The following SMKR1 variants were observed in gnomAD, a reference collection of about 807,000 sequenced individuals.
SMKR1 encodes the protein small lysine rich protein 1, also known as small lysine-rich protein 1.
A neutral mutation model predicts 4.0 loss-of-function variants in SMKR1; 4 were observed. That is an observed-to-expected ratio of 1.00 (90% CI 0.49 to 2.30). SMKR1 has a LOEUF of 2.30. Among genes scored for constraint, SMKR1 ranks in the 30% most tolerant of loss-of-function variants. The pLI is 0.02. For synonymous variants in SMKR1, 38 were observed against 32.5 expected, an observed-to-expected ratio of 1.17 and a Z score of -0.58; for missense variants, 56 against 81.8, an observed-to-expected ratio of 0.68 and a Z score of 1.22.
At chr7:129,511,455 G>A (rs1039344158) in intron 1 of SMKR1, among the ~76,000 whole-genome samples, 3 of 152,130 alleles carry the variant, frequency 2.0e-5, no homozygotes, top group African/African-American at 7.2e-5. Flanking sequence ...CTTCAGAAAC[G>A]TGTGGACTTC....
intron 1 of SMKR1, among the ~76,000 whole-genome samples, chr7:129,509,493 G>A (rs1225744717): frequency 1.3e-5 from 2 of 151,994 alleles, no homozygotes; most frequent in Non-Finnish European, 2.9e-5. Context: ...CTTCATTCCC[G>A]GGTTTTGTAT....
intron 1 of SMKR1, among the ~76,000 whole-genome samples, chr7:129,506,573 C>T (rs1445103474): frequency 6.6e-6 from 1 of 152,152 alleles, no homozygotes; most frequent in Non-Finnish European, 1.5e-5. Flanking sequence ...TTCTCTCTTG[C>T]CCCTCTCTGT....
intron 1 of SMKR1, among the ~76,000 whole-genome samples, chr7:129,507,688 T>C (rs1325646780): frequency 2.0e-5 from 3 of 152,240 alleles, no homozygotes; most frequent in East Asian, 1.9e-4. Flanking sequence ...TAATACTTGG[T>C]AGGATCAGTC....
chr7:129,507,090 A>G (rs1377822906), intron 1 of SMKR1, among the ~76,000 whole-genome samples: 1 of 150,810 alleles, frequency 6.6e-6, no homozygotes, highest in African/African-American at 2.4e-5. Context: ...ATCTGCGCTC[A>G]CTGCAAGCTC....
intron 1 of SMKR1, among the ~76,000 whole-genome samples, chr7:129,506,163 G>A (rs1201466380): frequency 6.6e-6 from 1 of 152,162 alleles, no homozygotes; most frequent in Non-Finnish European, 1.5e-5. Context: ...GCATGCTTTA[G>A]GCATGGTAGC....
At chr7:129,509,565 G>C (rs146096294) in intron 1 of SMKR1, among the ~76,000 whole-genome samples, 4,971 of 151,218 alleles carry the variant, frequency 0.033, 114 homozygotes, top group Middle Eastern at 0.1. Context: ...TTTTTTAGAC[G>C]GAGTCTCACT....
rs1172914879 is a variant in SMKR1, at chr7:129,502,611, G to A, written c.-214G>A. 2 of 592,310 alleles carry A rather than the reference G, an allele frequency of 3.4e-6. No homozygotes were observed. Among genetic ancestry groups the A allele is most frequent in the South Asian group, 2.6e-5 (1 of 38,718 alleles). 36.7% of individuals were successfully genotyped at this position (592,310 alleles called of 1,614,324 possible). A position where few individuals can be genotyped will look rare whatever the true frequency, so the allele number is the denominator to read the frequency against. On this transcript the variant is annotated 5_prime_UTR_variant, in exon 1 of 2. Coordinates refer to ENST00000462322, the MANE Select transcript of SMKR1 (RefSeq NM_001195243.2). ...AGGTGCCTCGCGTCCAGGCGGCTCC[G>A]CGGCTGGCTGCCTCCCGAGCCGGCC...
chr7:129,502,646 C>A lies in SMKR1; in HGVS notation c.-179C>A. 1.1e-6 allele frequency: 1 copy of A among 913,672 alleles called. No homozygotes were observed. The highest frequency in any genetic ancestry group is 1.6e-6 in the Non-Finnish European group (1 of 642,072). 56.6% of individuals were successfully genotyped at this position (913,672 alleles called of 1,614,324 possible). A position where few individuals can be genotyped will look rare whatever the true frequency, so the allele number is the denominator to read the frequency against. Reference sequence around the variant, plus strand: ...GCCTCCCGAGCCGGCCGCGCTCCTCCCAGCGAGGCGTGGCGGGGAGGCGTA... The same window carrying A: ...GCCTCCCGAGCCGGCCGCGCTCCTCACAGCGAGGCGTGGCGGGGAGGCGTA... On this transcript the variant is annotated 5_prime_UTR_variant, in exon 1 of 2. Coordinates refer to ENST00000462322, the MANE Select transcript of SMKR1 (RefSeq NM_001195243.2).
intron 1 of SMKR1, among the ~76,000 whole-genome samples, chr7:129,511,363 G>A (rs2151028689): frequency 6.6e-6 from 1 of 152,196 alleles, no homozygotes; most frequent in Middle Eastern, 3.4e-3. Context: ...TTTTTTCTGG[G>A]TCGGGGGCAG....
At chr7:129,507,991 A>G (rs1427120191) in intron 1 of SMKR1, among the ~76,000 whole-genome samples, 1 of 152,222 alleles carries the variant, frequency 6.6e-6, no homozygotes, top group Non-Finnish European at 1.5e-5. Flanking sequence ...CTTTTGAAGA[A>G]CAAAAGTTTT....
chr7:129,512,116 G>C, intron 1 of SMKR1, 131 bp from the exon 2 acceptor site: 1 of 850,538 alleles, frequency 1.2e-6, no homozygotes, highest in South Asian at 2.0e-5. Context: ...CACGGGAGGT[G>C]GAGGTTGTAG....
At chr7:129,510,040 G>A (rs1293568649) in intron 1 of SMKR1, among the ~76,000 whole-genome samples, 1 of 152,188 alleles carries the variant, frequency 6.6e-6, no homozygotes, top group Non-Finnish European at 1.5e-5. Context: ...GTTATTTTCT[G>A]TATGTGTGGG....
At chr7:129,504,323 T>A (rs772265646) in intron 1 of SMKR1, among the ~76,000 whole-genome samples, 1 of 152,246 alleles carries the variant, frequency 6.6e-6, no homozygotes. Context: ...GCCTGTGGGC[T>A]GGCCATGTTG....
chr7:129,506,104 G>T (rs1271830679), intron 1 of SMKR1, among the ~76,000 whole-genome samples: 1 of 152,168 alleles, frequency 6.6e-6, no homozygotes, highest in Non-Finnish European at 1.5e-5. Context: ...TTTCTTAACA[G>T]ATTTATTGAG....
At chr7:129,511,101 C>T (rs994773356) in intron 1 of SMKR1, among the ~76,000 whole-genome samples, 4 of 152,194 alleles carry the variant, frequency 2.6e-5, no homozygotes, top group African/African-American at 9.6e-5. Context: ...TGAGCCACCG[C>T]GCCCAGCCTA....
intron 1 of SMKR1, among the ~76,000 whole-genome samples, chr7:129,509,014 A>G (rs1799497125): frequency 6.6e-6 from 1 of 152,202 alleles, no homozygotes; most frequent in African/African-American, 2.4e-5. Context: ...GTACAAAGAC[A>G]TAAAGAAATT....
rs997516761 is a variant in SMKR1 at position 129,512,675 on chromosome 7, A to C, written c.*234A>C. ...GCTATAGGATGGGAAAAGCCTGAGT[A>C]ATTCCTACACAGTGTGCTGAAATTA... is the stretch of plus-strand genomic sequence containing the variant. On this transcript the variant is annotated 3_prime_UTR_variant, in exon 2 of 2. Transcript: ENST00000462322. 9 of 470,592 alleles carry C rather than the reference A, an allele frequency of 1.9e-5. No individual in the cohort carries two copies. Among genetic ancestry groups the C allele is most frequent in the Non-Finnish European group, 3.3e-5 (9 of 269,666 alleles). 29.2% of individuals were successfully genotyped at this position (470,592 alleles called of 1,614,324 possible). A position where few individuals can be genotyped will look rare whatever the true frequency, so the allele number is the denominator to read the frequency against.
At position 129,512,593 on chromosome 7, in the gene SMKR1, A is replaced by G. The variant is rs1448672931; in HGVS notation, c.*152A>G. The G allele has an allele frequency of 1.2e-6, 1 of 813,284 alleles. No homozygotes were observed. The highest frequency in any genetic ancestry group is 1.8e-6 in the Non-Finnish European group (1 of 549,162). 50.4% of individuals were successfully genotyped at this position (813,284 alleles called of 1,614,324 possible). ...TTCTGTGATGGTGGAAGATCAGGAA[A>G]TGCACCTTACTTCCTCTGTTATGCC... On this transcript the variant is annotated 3_prime_UTR_variant, in exon 2 of 2. Coordinates refer to ENST00000462322, the MANE Select transcript of SMKR1 (RefSeq NM_001195243.2).
intron 1 of SMKR1, among the ~76,000 whole-genome samples, chr7:129,503,245 T>C (rs1168019712): frequency 6.6e-6 from 1 of 151,348 alleles, no homozygotes; most frequent in Admixed American, 6.6e-5. Context: ...GTGAGCCTGG[T>C]ACCACCACCT....
Sources: gnomAD v4.1 joint callset for allele counts (sites outside exome capture counted in the v4.1 genomes callset) on GRCh38, gnomAD v4.1.1 for gene constraint, MANE v1.5 for transcripts, NCBI Gene and HGNC (gene_info 2026-07-23, HGNC 2026-07-21) for gene names.